The following SNRPD3 variants were observed in gnomAD, a reference collection of about 807,000 sequenced individuals.
SNRPD3 encodes small nuclear ribonucleoprotein Sm D3.
For missense variants in SNRPD3, 73 were observed against 167.5 expected, an observed-to-expected ratio of 0.44 and a Z score of 3.11; for synonymous variants, 66 against 58.4, an observed-to-expected ratio of 1.13 and a Z score of -0.59.
intron 2 of SNRPD3, among the ~76,000 whole-genome samples, chr22:24,562,730 C>A (rs1012592495): frequency 1.3e-5 from 2 of 152,094 alleles, no homozygotes; most frequent in African/African-American, 2.4e-5. Flanking sequence ...TAAAAAAATT[C>A]TATGGCAGGA....
chr22:24,565,274 A>C (rs2045186354), intron 2 of SNRPD3, among the ~76,000 whole-genome samples: 1 of 152,036 alleles, frequency 6.6e-6, no homozygotes, highest in South Asian at 2.1e-4. Flanking sequence ...CAGGCCATGT[A>C]AGCGTGGTGT....
At position 24,557,852 on chromosome 22, in the gene SNRPD3, A is replaced by C. The variant is rs375056542; in HGVS notation, c.126+52A>C. ...GTGGGAGGAATGGCCCTGTGTCTTG[A>C]AGGACAGAAAAGTGTGTGTTGAGGG... On this transcript the variant is annotated intron_variant, in intron 2 of 3. Coordinates refer to ENST00000215829, the MANE Select transcript of SNRPD3 (RefSeq NM_004175.5). 3.2e-6 allele frequency: 5 copies of C among 1,544,882 alleles called. No homozygotes were observed. The African/African-American group carries it at 5.6e-5, about 17-fold the overall frequency.
At chr22:24,569,951 G>A (rs1180344530) in intron 3 of SNRPD3, among the ~76,000 whole-genome samples, 1 of 152,258 alleles carries the variant, frequency 6.6e-6, no homozygotes, top group Non-Finnish European at 1.5e-5. Context: ...GGCTGCGCAT[G>A]ATCAGCTGTC....
In SNRPD3 at chr22:24,557,815, ATGTGAGGC is replaced by A; in HGVS notation, c.126+20_126+27del. ...TGAACTGCCAGGTATTCTGCTTTGC[ATGTGAGGC>A]TGTGTGGGAGGAATGGCCCTGTGTC... On this transcript the variant is annotated intron_variant, in intron 2 of 3. Coordinates refer to ENST00000215829, the MANE Select transcript of SNRPD3 (RefSeq NM_004175.5). 5 of 1,600,552 alleles carry A rather than the reference ATGTGAGGC, an allele frequency of 3.1e-6. No individual in the cohort carries two copies. The highest frequency in any genetic ancestry group is 4.3e-6 in the Non-Finnish European group (5 of 1,173,282).
intron 2 of SNRPD3, among the ~76,000 whole-genome samples, chr22:24,562,759 T>A (rs752179417): frequency 2.6e-5 from 4 of 152,126 alleles, no homozygotes; most frequent in Non-Finnish European, 5.9e-5. Flanking sequence ...GATGCATAGA[T>A]CATGGTGCAG....
intron 2 of SNRPD3, among the ~76,000 whole-genome samples, chr22:24,560,313 C>T (rs1028443640): frequency 1.3e-5 from 2 of 151,026 alleles, no homozygotes; most frequent in African/African-American, 4.9e-5. Context: ...TTAGTAGAGA[C>T]AGGTTTCACC....
chr22:24,556,133 A>G (rs1189885660), intron 1 of SNRPD3, 62 bp downstream of exon 1: 11 of 518,154 alleles, frequency 2.1e-5, no homozygotes, highest in Middle Eastern at 5.1e-4. Flanking sequence ...GGCTGGAGAA[A>G]GACTTGCTGC....
intron 2 of SNRPD3, among the ~76,000 whole-genome samples, chr22:24,562,669 G>A (rs1018417691): frequency 6.6e-6 from 1 of 152,150 alleles, no homozygotes; most frequent in Non-Finnish European, 1.5e-5. Flanking sequence ...AGCTCTGGTC[G>A]CACCACTGCA....
intron 2 of SNRPD3, among the ~76,000 whole-genome samples, chr22:24,559,833 CAA>C (rs1251880327): frequency 6.6e-6 from 1 of 152,066 alleles, no homozygotes; most frequent in African/African-American, 2.4e-5. Context: ...TTAGACAACA[CAA>C]ATTTATTTTC....
chr22:24,571,436 C>T (rs1325721954), intron 3 of SNRPD3, among the ~76,000 whole-genome samples: 2 of 152,140 alleles, frequency 1.3e-5, no homozygotes, highest in Non-Finnish European at 2.9e-5. Flanking sequence ...TCCATCCCCC[C>T]TGTTAAATGC....
At position 24,567,759 on chromosome 22, in the gene SNRPD3, G is replaced by C. The variant is rs973657384; in HGVS notation, c.127-225G>C. 4.7e-4 allele frequency among the ~76,000 whole-genome samples: 31 copies of C among 65,994 alleles called. No individual in the cohort carries two copies. In the East Asian group the frequency reaches 7.9e-3, roughly 17 times the overall value. The allele number at this position is 65,994 out of a possible 152,430, so 43.3% of individuals were successfully genotyped here. A position where few individuals can be genotyped will look rare whatever the true frequency, so the allele number is the denominator to read the frequency against. ...GAAACTCCATCTCAAAAAAAAAAGG[G>C]GGGGAGCACTCATACCCACGCTGAA... On this transcript the variant is annotated intron_variant, in intron 2 of 3. Coordinates refer to ENST00000215829, the MANE Select transcript of SNRPD3 (RefSeq NM_004175.5).
Position 24,573,593 on chromosome 22 carries a change from G to GGCCAAACATGGTGCCCCAC in SNRPD3, c.*1620_*1638dup, listed in dbSNP as rs2147134526. Among the ~76,000 whole-genome samples, 1 of 152,270 alleles carries GGCCAAACATGGTGCCCCAC rather than the reference G, an allele frequency of 6.6e-6. No individual in the cohort carries two copies. The highest frequency in any genetic ancestry group is 2.4e-5 in the African/African-American group (1 of 41,552). On this transcript the variant is annotated 3_prime_UTR_variant, in exon 4 of 4. Transcript: ENST00000215829. ...AATAGACGTTTAAAATAGGGCTTCA[G>GGCCAAACATGGTGCCCCAC]GCCAAACATGGTGCCCCACGCCTAT... is the stretch of plus-strand genomic sequence containing the variant.
At position 24,574,363 on chromosome 22, in the gene SNRPD3, AG is replaced by A. The variant is rs1437715893; in HGVS notation, c.*2387del. Among the ~76,000 whole-genome samples, 3 of 152,222 alleles carry A rather than the reference AG, an allele frequency of 2.0e-5. No homozygotes were observed. The highest frequency in any genetic ancestry group is 7.2e-5 in the African/African-American group (3 of 41,464). ...ATCCTGCATCTTAGGGGGGAAAATC[AG>A]TTGACGCAGATTGAAAACAAGTTGT... On this transcript the variant is annotated 3_prime_UTR_variant, in exon 4 of 4. Coordinates refer to ENST00000215829, the MANE Select transcript of SNRPD3 (RefSeq NM_004175.5).
At chr22:24,565,657 T>G (rs924374431) in intron 2 of SNRPD3, among the ~76,000 whole-genome samples, 6 of 151,920 alleles carry the variant, frequency 3.9e-5, no homozygotes, top group Non-Finnish European at 8.8e-5. Context: ...TTTTTGTTTG[T>G]TTGGTTTGTT....
Position 24,572,321 on chromosome 22 carries a change from T to C in SNRPD3, c.*344T>C, listed in dbSNP as rs1018759988. The stretch of plus-strand genomic sequence containing the variant: ...AGGTTAAGCCCCAGAAAAGTTCACC[T>C]TGGAGAAGCTCCGAGAACACACAGA... On this transcript the variant is annotated 3_prime_UTR_variant, in exon 4 of 4. Transcript: ENST00000215829. The C allele has an allele frequency of 1.2e-5, 7 of 593,676 alleles. No homozygotes were observed. The highest frequency in any genetic ancestry group is 9.1e-5 in the Admixed American group (3 of 33,126). The allele number at this position is 593,676 out of a possible 1,614,324, so 36.8% of individuals were successfully genotyped here.
At chr22:24,557,585 GGAA>G in intron 1 of SNRPD3, 69 bp from the exon 2 acceptor site, 1 of 1,092,838 alleles carries the variant, frequency 9.2e-7, no homozygotes, top group South Asian at 1.4e-5. Flanking sequence ...AGGCCTTAAA[GGAA>G]GCATGATGTG....
At chr22:24,565,390 G>C (rs571260603) in intron 2 of SNRPD3, among the ~76,000 whole-genome samples, 14 of 152,280 alleles carry the variant, frequency 9.2e-5, no homozygotes, top group African/African-American at 3.4e-4. Flanking sequence ...ATTTTGTGGG[G>C]TAACATGAGC....
At chr22:24,563,104 A>G (rs533136633) in intron 2 of SNRPD3, among the ~76,000 whole-genome samples, 2 of 152,210 alleles carry the variant, frequency 1.3e-5, no homozygotes, top group Admixed American at 6.5e-5. Flanking sequence ...ACATTGGCTC[A>G]TGCCTGTAAT....
chr22:24,563,857 A>G (rs1339695222), intron 2 of SNRPD3, among the ~76,000 whole-genome samples: 1 of 152,194 alleles, frequency 6.6e-6, no homozygotes, highest in Admixed American at 6.5e-5. Context: ...GTCACTGTAT[A>G]AAAATGAGAA....
Sources: allele counts gnomAD v4.1 joint callset (sites outside exome capture counted in the v4.1 genomes callset), GRCh38; gene constraint gnomAD v4.1.1; transcripts MANE v1.5; gene names NCBI Gene and HGNC (gene_info 2026-07-23, HGNC 2026-07-21).